PRICKLE2: variants seen among roughly 807,000 people sequenced by gnomAD.
PRICKLE2 encodes the protein prickle planar cell polarity protein 2.
PRICKLE2 carries 21 observed loss-of-function variants against 81.4 expected under a neutral mutation model. The ratio of observed to expected loss-of-function variants is 0.26; its 90% CI spans 0.18 to 0.37. The LOEUF (loss-of-function observed/expected upper bound fraction) is 0.37, where lower values mean the gene tolerates loss of function less well. Ranked by LOEUF, PRICKLE2 falls within the 10% of genes least tolerant of loss-of-function variation. The probability of loss-of-function intolerance (pLI) is 1.00; values close to 1 mark genes in which losing one functional copy is unlikely to be tolerated. For missense variants in PRICKLE2, 940 were observed against 1,109.0 expected (o/e 0.85, Z 2.16); for synonymous variants, 456 against 421.5 (o/e 1.08, Z -1.00).
chr3:64,187,367 G>T (rs1027442923), intron 2 of PRICKLE2, among the ~76,000 whole-genome samples: 1 of 152,202 alleles, frequency 6.6e-6, no homozygotes, highest in Admixed American at 6.5e-5. Context: ...GAGGTGGACT[G>T]CTCTGAAGCC....
intron 1 of PRICKLE2, among the ~76,000 whole-genome samples, chr3:64,215,537 A>C (rs2078858083): frequency 6.6e-6 from 1 of 152,244 alleles, no homozygotes; most frequent in African/African-American, 2.4e-5. Flanking sequence ...ACTTAGTCTG[A>C]AATCTAACTG....
intron 1 of PRICKLE2, among the ~76,000 whole-genome samples, chr3:64,209,587 T>C (rs2107133699): frequency 6.6e-6 from 1 of 152,270 alleles, no homozygotes; most frequent in Admixed American, 6.5e-5. Context: ...CATACATCCA[T>C]ACCTATCCAT....
chr3:64,168,546 C>A (rs774189331), intron 2 of PRICKLE2, among the ~76,000 whole-genome samples: 1 of 152,192 alleles, frequency 6.6e-6, no homozygotes, highest in Non-Finnish European at 1.5e-5. Flanking sequence ...AGTGACCCTA[C>A]GGCTTGACGC....
chr3:64,198,989 G>C, intron 1 of PRICKLE2, 22 bp from the exon 2 acceptor site: 1 of 1,611,904 alleles, frequency 6.2e-7, no homozygotes, highest in South Asian at 1.1e-5. Context: ...AAAGGTAGAA[G>C]GTGAGAAAGA....
intron 2 of PRICKLE2, among the ~76,000 whole-genome samples, chr3:64,166,290 C>CT: frequency 6.6e-6 from 1 of 152,144 alleles, no homozygotes. Flanking sequence ...GAGAAGGACC[C>CT]TGATTACCCT....
At chr3:64,237,559 G>C (rs531869760) in intron 2 of PRICKLE2, among the ~76,000 whole-genome samples, 17 of 152,204 alleles carry the variant, frequency 1.1e-4, no homozygotes, top group African/African-American at 3.1e-4. Flanking sequence ...CCACCTCTCT[G>C]CCCTGCTCCT....
chr3:64,106,552 T>C (rs1207835732), intron 7 of PRICKLE2, among the ~76,000 whole-genome samples: 1 of 152,188 alleles, frequency 6.6e-6, no homozygotes, highest in Admixed American at 6.5e-5. Context: ...CCAGCCACTG[T>C]TGTAAATTAT....
chr3:64,182,181 T>G (rs762476362), intron 2 of PRICKLE2, among the ~76,000 whole-genome samples: 1 of 152,088 alleles, frequency 6.6e-6, no homozygotes, highest in Non-Finnish European at 1.5e-5. Context: ...AGATTAATGC[T>G]GACATAAAGA....
At chr3:64,123,837 C>A in intron 7 of PRICKLE2, among the ~76,000 whole-genome samples, 1 of 152,126 alleles carries the variant, frequency 6.6e-6, no homozygotes, top group East Asian at 1.9e-4. Context: ...TTTCCCTGTT[C>A]TCAGGTCTAT....
chr3:64,151,113 C>CGCAG (rs2077539949), intron 6 of PRICKLE2, among the ~76,000 whole-genome samples: 2 of 152,184 alleles, frequency 1.3e-5, no homozygotes, highest in African/African-American at 4.8e-5. Flanking sequence ...GGCTGCCTGA[C>CGCAG]GCAGGGCCTG....
chr3:64,171,987 G>A (rs1047592500), intron 2 of PRICKLE2, among the ~76,000 whole-genome samples: 14 of 152,228 alleles, frequency 9.2e-5, no homozygotes, highest in Non-Finnish European at 2.1e-4. Context: ...GCCCTAAGCC[G>A]GTACCATAAT....
chr3:64,242,136 C>A (rs560204614), intron 2 of PRICKLE2, among the ~76,000 whole-genome samples: 1 of 152,222 alleles, frequency 6.6e-6, no homozygotes, highest in Non-Finnish European at 1.5e-5. Flanking sequence ...TTATTTGGAG[C>A]CTTCCACCTT....
At chr3:64,254,827 T>G (rs529781812) in intron 2 of PRICKLE2, among the ~76,000 whole-genome samples, 104 of 152,302 alleles carry the variant, frequency 6.8e-4, no homozygotes, top group Non-Finnish European at 1.2e-3. Context: ...AAAATGAAGA[T>G]TTGAGTCCAA....
At chr3:64,221,451 A>ACACACACG (rs1406848763) in intron 1 of PRICKLE2, among the ~76,000 whole-genome samples, 5 of 151,672 alleles carry the variant, frequency 3.3e-5, no homozygotes, top group Non-Finnish European at 7.4e-5. Context: ...ACACACACAC[A>ACACACACG]CACACACGCA....
At chr3:64,221,165 C>T (rs1254343612) in intron 1 of PRICKLE2, among the ~76,000 whole-genome samples, 1 of 152,012 alleles carries the variant, frequency 6.6e-6, no homozygotes, top group East Asian at 1.9e-4. Context: ...CTCCCAGCTG[C>T]TTCTCCATTC....
chr3:64,232,295 T>G (rs1329400666), intron 2 of PRICKLE2, among the ~76,000 whole-genome samples: 2 of 152,234 alleles, frequency 1.3e-5, no homozygotes, highest in Non-Finnish European at 2.9e-5. Flanking sequence ...ATTCAAAGGA[T>G]CTACTGCTTT....
upstream of PRICKLE2, among the ~76,000 whole-genome samples, chr3:64,226,988 C>G (rs2079041353): frequency 6.6e-6 from 1 of 152,260 alleles, no homozygotes; most frequent in African/African-American, 2.4e-5. Context: ...GGAACCCACT[C>G]TGATGAGCTC....
intron 2 of PRICKLE2, among the ~76,000 whole-genome samples, chr3:64,248,169 A>G (rs2079387596): frequency 6.6e-6 from 1 of 152,238 alleles, no homozygotes; most frequent in Non-Finnish European, 1.5e-5. Flanking sequence ...TAATTCACTC[A>G]ACGTTAGTTA....
At chr3:64,166,281 A>G (rs746141379) in intron 2 of PRICKLE2, among the ~76,000 whole-genome samples, 5 of 152,188 alleles carry the variant, frequency 3.3e-5, no homozygotes, top group Non-Finnish European at 1.5e-5. Flanking sequence ...AATTCCCCAG[A>G]GAAGGACCCT....
Sources: gnomAD v4.1 joint callset for allele counts (sites outside exome capture counted in the v4.1 genomes callset) on GRCh38, gnomAD v4.1.1 for gene constraint, MANE v1.5 for transcripts, NCBI Gene and HGNC (gene_info 2026-07-23, HGNC 2026-07-21) for gene names.